SDK1: variants seen among roughly 807,000 people sequenced by gnomAD.
SDK1 encodes the protein sidekick cell adhesion molecule 1, also known as protein sidekick-1.
A neutral mutation model predicts 245.5 loss-of-function variants in SDK1; 157 were observed. The ratio of observed to expected loss-of-function variants is 0.64; its 90% confidence interval spans 0.56 to 0.73. SDK1 has a LOEUF of 0.73. Among genes scored for constraint, SDK1 ranks in the 30% least tolerant of loss-of-function variants. The pLI, the probability that SDK1 is intolerant of heterozygous loss-of-function variation, is 0.00. For missense variants in SDK1, 3,583 were observed against 3,002.3 expected (o/e 1.19, Z -4.52); for synonymous variants, 1,647 against 1,278.5 (o/e 1.29, Z -6.15).
rs368905392 is a variant in SDK1 at position 4,244,403 on chromosome 7, T to C, written c.6252-1273T>C. Among the ~76,000 whole-genome samples, 61 of 152,246 alleles carry C rather than the reference T, an allele frequency of 4.0e-4. 1 individual carries two copies. The East Asian group carries it at 0.01, about 26-fold the overall frequency. Reference sequence around the variant, plus strand: ...CTCACTATCGAGTCCCTGCACACCCTTCGGAGGACTAAGGAGCACTCAGTC... The same window carrying C: ...CTCACTATCGAGTCCCTGCACACCCCTCGGAGGACTAAGGAGCACTCAGTC... On this transcript the variant is annotated intron_variant, in intron 43 of 44. Coordinates refer to ENST00000404826, the MANE Select transcript of SDK1 (RefSeq NM_152744.4).
At chr7:4,040,483 C>T (rs1052062308) in intron 17 of SDK1, among the ~76,000 whole-genome samples, 2 of 152,074 alleles carry the variant, frequency 1.3e-5, no homozygotes, top group African/African-American at 4.8e-5. Context: ...ATCAAGGACC[C>T]GGACACACAA....
intron 1 of SDK1, among the ~76,000 whole-genome samples, chr7:3,469,284 A>C (rs1488729433): frequency 6.6e-6 from 1 of 152,162 alleles, no homozygotes; most frequent in East Asian, 1.9e-4. Context: ...ATGAAACATT[A>C]GTCAGGGGTG....
chr7:3,405,149 A>T lies in SDK1; in HGVS notation c.298+103265A>T, dbSNP rs190226686. 1.6e-3 allele frequency among the ~76,000 whole-genome samples: 230 copies of T among 144,580 alleles called. 1 individual carries two copies. Among genetic ancestry groups the T allele is most frequent in the African/African-American group, 6.1e-3 (220 of 35,834 alleles). The allele number at this position is 144,580 out of a possible 152,430, so 94.9% of individuals were successfully genotyped here. On this transcript the variant is annotated intron_variant, in intron 1 of 44. Coordinates refer to ENST00000404826, the MANE Select transcript of SDK1 (RefSeq NM_152744.4). ...GGTCTACTCAGACTTCCTCATTTGT[A>T]AAAAAAAACCAAAAAAAAAAACAAA...
intron 38 of SDK1, among the ~76,000 whole-genome samples, chr7:4,212,124 C>T (rs111451112): frequency 0.033 from 5,082 of 152,222 alleles, 122 homozygotes; most frequent in South Asian, 0.066. Flanking sequence ...TTAATGTCTG[C>T]GAGGAAAAAA....
intron 1 of SDK1, among the ~76,000 whole-genome samples, chr7:3,518,473 TAAAC>T: frequency 6.8e-6 from 1 of 148,014 alleles, no homozygotes; most frequent in African/African-American, 2.5e-5. Context: ...ACTAGGAACT[TAAAC>T]ATCTGAACAG....
intron 1 of SDK1, among the ~76,000 whole-genome samples, chr7:3,413,329 A>G (rs1013776496): frequency 1.3e-5 from 2 of 152,228 alleles, no homozygotes; most frequent in African/African-American, 4.8e-5. Flanking sequence ...GGTCAGACCA[A>G]GTAGATCCTC....
intron 1 of SDK1, among the ~76,000 whole-genome samples, chr7:3,406,727 T>A (rs1333780628): frequency 1.3e-5 from 2 of 152,168 alleles, no homozygotes; most frequent in African/African-American, 4.8e-5. Flanking sequence ...ATCAGACTTT[T>A]TGAATGCTGG....
intron 1 of SDK1, among the ~76,000 whole-genome samples, chr7:3,499,594 T>C (rs1252363659): frequency 1.3e-5 from 2 of 152,216 alleles, no homozygotes; most frequent in Non-Finnish European, 2.9e-5. Flanking sequence ...CACCCCATTG[T>C]TGTTTTGCAT....
intron 1 of SDK1, among the ~76,000 whole-genome samples, chr7:3,313,484 A>G (rs914460600): frequency 6.6e-6 from 1 of 152,250 alleles, no homozygotes; most frequent in African/African-American, 2.4e-5. Flanking sequence ...AATGCACTTC[A>G]AAAAGAAAGA....
intron 4 of SDK1, among the ~76,000 whole-genome samples, chr7:3,679,643 A>G (rs1390217220): frequency 6.6e-6 from 1 of 152,246 alleles, no homozygotes; most frequent in Non-Finnish European, 1.5e-5. Context: ...AAACAGGTAT[A>G]TGAAAATACC....
intron 4 of SDK1, among the ~76,000 whole-genome samples, chr7:3,682,849 C>T (rs1348151361): frequency 1.3e-5 from 2 of 152,044 alleles, no homozygotes; most frequent in African/African-American, 2.4e-5. Context: ...AGTGATTCTC[C>T]TGCCTCAGCC....
rs73302747 is a variant in SDK1 at position 4,069,204 on chromosome 7, G to T, written c.3010+1268G>T. ...CCTCAGCAGACCTCTGGGATCCTCA[G>T]TTACAACTGAGGGGCTGTCAGGAGG... On this transcript the variant is annotated intron_variant, in intron 20 of 44. Coordinates refer to ENST00000404826, the MANE Select transcript of SDK1 (RefSeq NM_152744.4). Among the ~76,000 whole-genome samples the T allele has an allele frequency of 7.3e-3, 1,108 of 152,304 alleles. 9 individuals carry two copies. The highest frequency in any genetic ancestry group is 0.026 in the African/African-American group (1,063 of 41,580).
intron 25 of SDK1, among the ~76,000 whole-genome samples, chr7:4,118,209 A>C (rs764505461): frequency 2.6e-5 from 4 of 152,222 alleles, no homozygotes; most frequent in Non-Finnish European, 5.9e-5. Flanking sequence ...TATATCTAGA[A>C]TATATAAAGA....
chr7:3,660,384 CT>C (rs1562638030), intron 4 of SDK1, among the ~76,000 whole-genome samples: 1 of 151,162 alleles, frequency 6.6e-6, no homozygotes, highest in East Asian at 1.9e-4. Context: ...AATTCCAGCA[CT>C]AAATAAGTAA....
intron 22 of SDK1, among the ~76,000 whole-genome samples, chr7:4,092,666 G>C (rs1160223282): frequency 1.3e-5 from 2 of 152,156 alleles, no homozygotes; most frequent in African/African-American, 2.4e-5. Flanking sequence ...CGGAGCACAT[G>C]GTCTAGATAC....
intron 19 of SDK1, among the ~76,000 whole-genome samples, chr7:4,061,676 T>C (rs1779549283): frequency 6.6e-6 from 1 of 152,152 alleles, no homozygotes; most frequent in African/African-American, 2.4e-5. Flanking sequence ...TAAAGACATA[T>C]GCACACGTAT....
chr7:4,208,256 AC>A lies in SDK1; in HGVS notation c.5377del (p.Gln1793SerfsTer21). ...GCCGCCGGAGATGGACCTAAGAGTGACCCCCAGCAGGGGCGCACCCACCAGG... is the reference window on the plus strand; with the variant it reads ...GCCGCCGGAGATGGACCTAAGAGTGACCCCAGCAGGGGCGCACCCACCAGG... ...FNAAGDGPKS[D>X]PQQGRTHQAA... On this transcript the variant is annotated frameshift_variant, in exon 37 of 45. Coordinates refer to ENST00000404826, the MANE Select transcript of SDK1 (RefSeq NM_152744.4). LOFTEE classifies it high-confidence loss of function. The A allele has an allele frequency of 6.2e-7, 1 of 1,613,192 alleles. No individual in the cohort carries two copies. The highest frequency in any genetic ancestry group is 8.5e-7 in the Non-Finnish European group (1 of 1,179,760).
chr7:4,252,038 G>C (rs1009943454), intron 44 of SDK1, among the ~76,000 whole-genome samples: 2 of 152,190 alleles, frequency 1.3e-5, no homozygotes, highest in Admixed American at 1.3e-4. Flanking sequence ...AATGCCCATT[G>C]TTCATAGTGT....
intron 14 of SDK1, among the ~76,000 whole-genome samples, chr7:4,000,565 C>T (rs921604172): frequency 6.6e-6 from 1 of 152,118 alleles, no homozygotes; most frequent in South Asian, 2.1e-4. Flanking sequence ...ACCCGTCAGC[C>T]GTCTCCACGC....
Sources: allele counts gnomAD v4.1 joint callset (sites outside exome capture counted in the v4.1 genomes callset), GRCh38; gene constraint gnomAD v4.1.1; transcripts MANE v1.5; gene names NCBI Gene and HGNC (gene_info 2026-07-23, HGNC 2026-07-21).